Variants in SDK1 observed in about 807,000 individuals in gnomAD.
SDK1 encodes the protein protein sidekick-1.
In SDK1, 157 loss-of-function variants were observed where a neutral mutation model predicts 245.5. The ratio of observed to expected loss-of-function variants is 0.64; its 90% CI spans 0.56 to 0.73. The LOEUF is 0.73. Among genes scored for constraint, SDK1 ranks in the 30% least tolerant of loss-of-function variants. SDK1 has a pLI of 0.00. For synonymous variants in SDK1, 1,647 were observed against 1,278.5 expected, an observed-to-expected ratio of 1.29 and a Z score of -6.15; for missense variants, 3,583 against 3,002.3, an observed-to-expected ratio of 1.19 and a Z score of -4.52.
At chr7:3,916,261 A>G (rs147210889) in intron 5 of SDK1, among the ~76,000 whole-genome samples, 2 of 152,346 alleles carry the variant, frequency 1.3e-5, no homozygotes, top group African/African-American at 4.8e-5. Context: ...GAATCAGGGA[A>G]AGTCAATTAT....
intron 5 of SDK1, among the ~76,000 whole-genome samples, chr7:3,823,702 A>G (rs1779701452): frequency 6.6e-6 from 1 of 152,194 alleles, no homozygotes; most frequent in African/African-American, 2.4e-5. Flanking sequence ...TTTCATTGGC[A>G]CCAGGTAAAA....
chr7:3,483,231 A>G (rs1781572956), intron 1 of SDK1, among the ~76,000 whole-genome samples: 1 of 152,202 alleles, frequency 6.6e-6, no homozygotes, highest in African/African-American at 2.4e-5. Context: ...GCATTTCTGA[A>G]TAGAGTATAT....
intron 28 of SDK1, among the ~76,000 whole-genome samples, chr7:4,141,957 A>G (rs1169494510): frequency 6.6e-6 from 1 of 152,092 alleles, no homozygotes; most frequent in Non-Finnish European, 1.5e-5. Context: ...GGGTTTCACC[A>G]TCTTGGCCAG....
intron 1 of SDK1, among the ~76,000 whole-genome samples, chr7:3,418,258 A>T (rs977767065): frequency 1.3e-5 from 2 of 151,924 alleles, no homozygotes; most frequent in Non-Finnish European, 2.9e-5. Flanking sequence ...CGGAGGTTGC[A>T]GTGAGCCGAG....
At chr7:4,147,995 T>A (rs923749881) in intron 29 of SDK1, among the ~76,000 whole-genome samples, 5 of 145,670 alleles carry the variant, frequency 3.4e-5, no homozygotes, top group East Asian at 2.3e-4. Context: ...CCCCACACTA[T>A]GCCACCTGAT....
At chr7:4,148,014 C>G (rs917295811) in intron 29 of SDK1, among the ~76,000 whole-genome samples, 24 of 151,488 alleles carry the variant, frequency 1.6e-4, no homozygotes, top group Middle Eastern at 6.8e-3. Flanking sequence ...ATTATCCGGA[C>G]CAGAGATTTC....
intron 13 of SDK1, among the ~76,000 whole-genome samples, chr7:3,978,025 C>T (rs1054733718): frequency 6.6e-6 from 1 of 152,110 alleles, no homozygotes; most frequent in African/African-American, 2.4e-5. Context: ...AGTGAGTACC[C>T]AAAGCCCTCA....
intron 1 of SDK1, 120 bp downstream of exon 1, chr7:3,302,004 G>C (rs974474200): frequency 4.8e-5 from 37 of 772,160 alleles, no homozygotes; most frequent in South Asian, 2.4e-4. Flanking sequence ...GATGCGCCTT[G>C]CTGGGGGCTC....
Position 3,738,231 on chromosome 7 carries a change from G to A in SDK1, c.714-83219G>A, listed in dbSNP as rs191788398. Among the ~76,000 whole-genome samples, 321 of 152,312 alleles carry A rather than the reference G, an allele frequency of 2.1e-3. 1 individual carries two copies. The highest frequency in any genetic ancestry group is 7.1e-3 in the African/African-American group (294 of 41,576). On this transcript the variant is annotated intron_variant, in intron 4 of 44. Transcript: ENST00000404826. ...TTTTGAGTTAATTTTTGTATGTGGC[G>A]TAAGATAAGGGTCCACCTTCATTCT...
intron 1 of SDK1, among the ~76,000 whole-genome samples, chr7:3,384,589 C>T (rs920732792): frequency 8.8e-6 from 1 of 113,830 alleles, no homozygotes; most frequent in African/African-American, 2.6e-5. Context: ...TACATCATAC[C>T]CTCGAACATC....
At chr7:3,977,907 A>T (rs957990334) in intron 13 of SDK1, among the ~76,000 whole-genome samples, 1 of 152,224 alleles carries the variant, frequency 6.6e-6, no homozygotes, top group African/African-American at 2.4e-5. Flanking sequence ...TTGGTGGCCC[A>T]TTGGCGGGCC....
chr7:3,616,312 G>C (rs1781769372), intron 1 of SDK1, among the ~76,000 whole-genome samples: 1 of 152,196 alleles, frequency 6.6e-6, no homozygotes, highest in Non-Finnish European at 1.5e-5. Flanking sequence ...TGTGAGGTGG[G>C]CAGCATGGAC....
At chr7:4,249,378 G>C (rs1163376758) in intron 44 of SDK1, among the ~76,000 whole-genome samples, 1 of 152,174 alleles carries the variant, frequency 6.6e-6, no homozygotes, top group African/African-American at 2.4e-5. Context: ...AGGGGCCTGG[G>C]AACCAGGCCA....
At chr7:3,666,122 T>C (rs1006140127) in intron 4 of SDK1, among the ~76,000 whole-genome samples, 2 of 152,188 alleles carry the variant, frequency 1.3e-5, no homozygotes, top group Non-Finnish European at 2.9e-5. Context: ...CTAATCCAGT[T>C]AACCAGATGT....
chr7:3,483,618 C>A (rs931061582), intron 1 of SDK1, among the ~76,000 whole-genome samples: 2 of 152,112 alleles, frequency 1.3e-5, no homozygotes, highest in South Asian at 2.1e-4. Context: ...TCCTTGTTTT[C>A]TTCTTCATTT....
chr7:3,806,291 T>C (rs969240732), intron 4 of SDK1, among the ~76,000 whole-genome samples: 2 of 130,780 alleles, frequency 1.5e-5, no homozygotes, highest in African/African-American at 3.2e-5. Flanking sequence ...AGGATGTGGA[T>C]GTCCACATTA....
In SDK1 at chr7:3,757,839, T is replaced by C. The variant is rs374743391; in HGVS notation, c.714-63611T>C. On this transcript the variant is annotated intron_variant, in intron 4 of 44. Coordinates refer to ENST00000404826, the MANE Select transcript of SDK1 (RefSeq NM_152744.4). ...CCTCCCCTCCCAGGAGACTGGGGAG[T>C]GGGGCTGAAAGTTCCAAGTTTCTAA... 7.2e-5 allele frequency among the ~76,000 whole-genome samples: 11 copies of C among 151,810 alleles called. No homozygotes were observed. In the East Asian group the frequency reaches 2.1e-3, roughly 30 times the overall value.
intron 3 of SDK1, 94 bp from the exon 4 acceptor site, chr7:3,641,864 A>C: frequency 1.0e-6 from 1 of 996,952 alleles, no homozygotes; most frequent in Non-Finnish European, 1.5e-6. Flanking sequence ...AGCATCAGTG[A>C]CTTTACTGTA....
intron 38 of SDK1, among the ~76,000 whole-genome samples, chr7:4,218,971 G>T (rs913371525): frequency 6.6e-6 from 1 of 151,814 alleles, no homozygotes; most frequent in African/African-American, 2.4e-5. Context: ...CTGCATATGT[G>T]TAATTTTCAA....
Sources: allele counts gnomAD v4.1 joint callset (sites outside exome capture counted in the v4.1 genomes callset), GRCh38; gene constraint gnomAD v4.1.1; transcripts MANE v1.5; gene names NCBI Gene and HGNC (gene_info 2026-07-23, HGNC 2026-07-21).